WDR7: variants seen among roughly 807,000 people sequenced by gnomAD.
The protein encoded by WDR7 is WD repeat-containing protein 7.
In WDR7, 46 loss-of-function variants were observed where a neutral mutation model predicts 169.4. The ratio of observed to expected loss-of-function variants is 0.27; its 90% confidence interval spans 0.21 to 0.35. The LOEUF is 0.35. Among genes scored for constraint, WDR7 ranks in the 10% least tolerant of loss-of-function variants. The pLI, the probability that WDR7 is intolerant of heterozygous loss-of-function variation, is 1.00. For missense variants in WDR7, 1,534 were observed against 1,859.3 expected, an observed-to-expected ratio of 0.83 and a Z score of 3.22; for synonymous variants, 612 against 666.8, an observed-to-expected ratio of 0.92 and a Z score of 1.27.
chr18:56,958,282 C>T (rs2047285389), intron 25 of WDR7, among the ~76,000 whole-genome samples: 1 of 152,230 alleles, frequency 6.6e-6, no homozygotes, highest in East Asian at 1.9e-4. Flanking sequence ...AAATACATCT[C>T]GGAAGAACTG....
chr18:56,932,130 C>T (rs774800492), intron 22 of WDR7, among the ~76,000 whole-genome samples: 22 of 152,140 alleles, frequency 1.4e-4, no homozygotes, highest in Non-Finnish European at 2.6e-4. Context: ...TACCCTCACA[C>T]ACACAGCCCC....
intron 21 of WDR7, among the ~76,000 whole-genome samples, chr18:56,903,280 G>A (rs566376977): frequency 6.6e-5 from 10 of 152,050 alleles, no homozygotes; most frequent in African/African-American, 2.4e-4. Flanking sequence ...TAATTAGTTC[G>A]GTATTATTTT....
At chr18:56,992,737 C>T (rs1014685287) in intron 26 of WDR7, among the ~76,000 whole-genome samples, 1 of 152,186 alleles carries the variant, frequency 6.6e-6, no homozygotes, top group African/African-American at 2.4e-5. Context: ...TTGTCTTCCT[C>T]AGTCTTGTCC....
At chr18:56,718,454 G>A (rs942124501) in intron 13 of WDR7, among the ~76,000 whole-genome samples, 1 of 152,122 alleles carries the variant, frequency 6.6e-6, no homozygotes, top group Non-Finnish European at 1.5e-5. Context: ...TGGACAAGAA[G>A]AAGAAATCAT....
At chr18:56,723,362 C>T (rs1307890710) in intron 13 of WDR7, among the ~76,000 whole-genome samples, 3 of 151,744 alleles carry the variant, frequency 2.0e-5, no homozygotes, top group African/African-American at 7.3e-5. Context: ...AGTCATTTTT[C>T]TTTTGTCTAA....
chr18:56,883,317 A>T (rs2046138563), intron 21 of WDR7, among the ~76,000 whole-genome samples: 1 of 151,652 alleles, frequency 6.6e-6, no homozygotes, highest in African/African-American at 2.4e-5. Context: ...ACATCTCATT[A>T]TCCTAGTTAT....
intron 16 of WDR7, among the ~76,000 whole-genome samples, chr18:56,765,106 C>T (rs2044040485): frequency 6.6e-6 from 1 of 152,008 alleles, no homozygotes. Context: ...CTTTTCTCAT[C>T]CTTTTACTTT....
intron 20 of WDR7, among the ~76,000 whole-genome samples, chr18:56,874,270 AT>A (rs971908600): frequency 2.0e-5 from 3 of 151,206 alleles, no homozygotes; most frequent in South Asian, 2.1e-4. Flanking sequence ...ATGATTATTG[AT>A]TTTTTTTTCT....
chr18:56,743,296 G>A (rs1001911796), intron 14 of WDR7, among the ~76,000 whole-genome samples: 4 of 152,182 alleles, frequency 2.6e-5, no homozygotes, highest in African/African-American at 7.2e-5. Flanking sequence ...ACTTGAGGCA[G>A]GGCTGTGGTG....
chr18:56,730,332 C>T (rs1453931994), intron 13 of WDR7, among the ~76,000 whole-genome samples: 2 of 152,098 alleles, frequency 1.3e-5, no homozygotes, highest in Non-Finnish European at 2.9e-5. Flanking sequence ...GAGAATAACT[C>T]ATTGAAAATG....
intron 12 of WDR7, among the ~76,000 whole-genome samples, chr18:56,716,689 A>C (rs947742042): frequency 6.6e-6 from 1 of 152,178 alleles, no homozygotes; most frequent in East Asian, 1.9e-4. Flanking sequence ...GAGTTTCCAA[A>C]GTGTGTTCAT....
intron 26 of WDR7, among the ~76,000 whole-genome samples, chr18:57,012,209 A>G (rs1422205970): frequency 6.6e-6 from 1 of 152,132 alleles, no homozygotes. Flanking sequence ...CTTCATCCTC[A>G]CTGTGACAGT....
intron 20 of WDR7, among the ~76,000 whole-genome samples, chr18:56,871,643 A>G (rs1599117197): frequency 1.3e-5 from 2 of 152,192 alleles, no homozygotes; most frequent in East Asian, 3.9e-4. Flanking sequence ...CTGACCTTTC[A>G]AAAGGTTTTT....
chr18:56,883,096 G>A (rs2046134130), intron 21 of WDR7, among the ~76,000 whole-genome samples: 1 of 151,926 alleles, frequency 6.6e-6, no homozygotes, highest in African/African-American at 2.4e-5. Context: ...TGTAGTCCCA[G>A]CTGCTCGGGA....
chr18:56,785,527 C>T (rs1302394508), intron 19 of WDR7, among the ~76,000 whole-genome samples: 1 of 152,134 alleles, frequency 6.6e-6, no homozygotes, highest in East Asian at 1.9e-4. Flanking sequence ...CCTTTTCTTA[C>T]ATATTTGTCT....
chr18:56,946,037 C>G (rs2047098828), intron 25 of WDR7, among the ~76,000 whole-genome samples: 1 of 152,200 alleles, frequency 6.6e-6, no homozygotes, highest in African/African-American at 2.4e-5. Flanking sequence ...CTGCTGATGA[C>G]TTTAAGTGCA....
chr18:56,837,803 G>T (rs754128646), intron 20 of WDR7, among the ~76,000 whole-genome samples: 43 of 151,516 alleles, frequency 2.8e-4, no homozygotes, highest in Admixed American at 9.2e-4. Context: ...TGGATTACAG[G>T]TGCCCACCAC....
At chr18:56,959,500 A>G (rs980623977) in intron 25 of WDR7, among the ~76,000 whole-genome samples, 1 of 152,134 alleles carries the variant, frequency 6.6e-6, no homozygotes, top group African/African-American at 2.4e-5. Flanking sequence ...TGGTCTGCCT[A>G]GCAGAGGAGA....
At chr18:57,016,046 G>T (rs778700224) in intron 26 of WDR7, among the ~76,000 whole-genome samples, 16 of 152,150 alleles carry the variant, frequency 1.1e-4, no homozygotes, top group Non-Finnish European at 1.9e-4. Context: ...TCAGGTGAAG[G>T]CATAATTGTG....
Sources: allele counts gnomAD v4.1 joint callset (sites outside exome capture counted in the v4.1 genomes callset), GRCh38; gene constraint gnomAD v4.1.1; transcripts MANE v1.5; gene names NCBI Gene and HGNC (gene_info 2026-07-23, HGNC 2026-07-21).